CCSER1: variants seen among roughly 807,000 people sequenced by gnomAD.
CCSER1 encodes serine-rich coiled-coil domain-containing protein 1.
In CCSER1, 41 loss-of-function variants were observed where a neutral mutation model predicts 82.0. The observed-to-expected ratio is 0.50, with a 90% confidence interval of 0.39 to 0.65. The LOEUF is 0.65. Ranked by LOEUF, CCSER1 falls within the 30% of genes least tolerant of loss-of-function variation. The pLI is 0.00. For synonymous variants in CCSER1, 414 were observed against 383.9 expected, an observed-to-expected ratio of 1.08 and a Z score of -0.92; for missense variants, 1,119 against 1,064.2, an observed-to-expected ratio of 1.05 and a Z score of -0.72.
chr4:90,426,301 G>C (rs114410170), intron 4 of CCSER1, among the ~76,000 whole-genome samples: 1 of 152,088 alleles, frequency 6.6e-6, no homozygotes, highest in African/African-American at 2.4e-5. Flanking sequence ...TGATTTATTT[G>C]AAGTATTAAT....
intron 10 of CCSER1, among the ~76,000 whole-genome samples, chr4:91,259,944 T>C (rs1044140180): frequency 5.9e-5 from 9 of 152,194 alleles, no homozygotes; most frequent in Non-Finnish European, 1.2e-4. Flanking sequence ...AGAAAGTTTG[T>C]TCAATTTGGG....
chr4:90,615,899 A>G (rs187022853), intron 5 of CCSER1, among the ~76,000 whole-genome samples: 1 of 152,254 alleles, frequency 6.6e-6, no homozygotes, highest in Admixed American at 6.5e-5. Context: ...AAAGGGAGTG[A>G]CTAGATGCAG....
At chr4:90,806,925 C>T (rs188995055) in intron 7 of CCSER1, among the ~76,000 whole-genome samples, 25 of 150,940 alleles carry the variant, frequency 1.7e-4, no homozygotes, top group Non-Finnish European at 2.8e-4. Flanking sequence ...TTTATGTATC[C>T]TTAACTCCAT....
intron 1 of CCSER1, among the ~76,000 whole-genome samples, chr4:90,256,675 C>T (rs1201994053): frequency 6.6e-6 from 1 of 152,074 alleles, no homozygotes; most frequent in Non-Finnish European, 1.5e-5. Flanking sequence ...GCATAGTTCA[C>T]CTTGAGATTG....
chr4:91,447,032 A>G (rs918375933), intron 10 of CCSER1, among the ~76,000 whole-genome samples: 1 of 152,080 alleles, frequency 6.6e-6, no homozygotes, highest in Admixed American at 6.6e-5. Flanking sequence ...TAGCACAGGG[A>G]CATGGGGTGT....
At chr4:91,317,364 A>G (rs902822560) in intron 10 of CCSER1, among the ~76,000 whole-genome samples, 1 of 151,776 alleles carries the variant, frequency 6.6e-6, no homozygotes, top group Non-Finnish European at 1.5e-5. Flanking sequence ...ATTTTCTCAC[A>G]TCTTTGAGAT....
At chr4:91,408,162 AGAT>A (rs1451508519) in intron 10 of CCSER1, among the ~76,000 whole-genome samples, 17 of 152,222 alleles carry the variant, frequency 1.1e-4, no homozygotes, top group Admixed American at 1.0e-3. Context: ...GTTTAAAATC[AGAT>A]GATGACATCA....
intron 10 of CCSER1, among the ~76,000 whole-genome samples, chr4:91,356,692 T>A (rs1355102548): frequency 6.6e-6 from 1 of 152,152 alleles, no homozygotes; most frequent in African/African-American, 2.4e-5. Flanking sequence ...GCTGACTGAT[T>A]GATAAGCTCT....
intron 10 of CCSER1, among the ~76,000 whole-genome samples, chr4:91,548,465 T>G (rs570504303): frequency 6.6e-6 from 1 of 152,182 alleles, no homozygotes; most frequent in African/African-American, 2.4e-5. Flanking sequence ...TTTCTTTACA[T>G]AGACTCAAGT....
intron 10 of CCSER1, among the ~76,000 whole-genome samples, chr4:91,148,599 A>G (rs1729786197): frequency 6.6e-6 from 1 of 152,032 alleles, no homozygotes; most frequent in Non-Finnish European, 1.5e-5. Context: ...CTCATCATTT[A>G]CATTAGGTAT....
chr4:90,878,070 A>C (rs1281492528), intron 8 of CCSER1, among the ~76,000 whole-genome samples: 1 of 152,112 alleles, frequency 6.6e-6, no homozygotes, highest in Non-Finnish European at 1.5e-5. Context: ...CCCTTTTGCT[A>C]TCATCCTAGA....
chr4:91,527,531 T>C (rs922957981), intron 10 of CCSER1, among the ~76,000 whole-genome samples: 16 of 152,074 alleles, frequency 1.1e-4, no homozygotes, highest in Admixed American at 8.5e-4. Context: ...AATGTGGCAA[T>C]AGAAATAGAA....
intron 1 of CCSER1, among the ~76,000 whole-genome samples, chr4:90,282,521 C>A (rs1192603204): frequency 6.6e-6 from 1 of 151,388 alleles, no homozygotes; most frequent in African/African-American, 2.4e-5. Context: ...GAACTTTTAA[C>A]TTGTTGACAC....
At chr4:90,714,073 G>A (rs774635354) in intron 6 of CCSER1, among the ~76,000 whole-genome samples, 168 of 151,828 alleles carry the variant, frequency 1.1e-3, no homozygotes, top group African/African-American at 4.0e-3. Context: ...GAATTCATTC[G>A]CCCCTTTTCA....
At position 90,358,356 on chromosome 4, in the gene CCSER1, C is replaced by A. The variant is rs373211501; in HGVS notation, c.1510-41680C>A. ...ACTCCACTGACTTTTACATCCTCCA[C>A]CACCAACTAGCTCTGTATGACTTTG... is the stretch of plus-strand genomic sequence containing the variant. On this transcript the variant is annotated intron_variant, in intron 3 of 10. Coordinates refer to ENST00000509176, the MANE Select transcript of CCSER1 (RefSeq NM_001145065.2). 1.9e-3 allele frequency among the ~76,000 whole-genome samples: 286 copies of A among 152,216 alleles called. 1 individual carries two copies. Among genetic ancestry groups the A allele is most frequent in the African/African-American group, 6.0e-3 (251 of 41,558 alleles).
At chr4:90,182,824 A>C (rs536014172) in intron 1 of CCSER1, among the ~76,000 whole-genome samples, 5 of 152,166 alleles carry the variant, frequency 3.3e-5, no homozygotes, top group Non-Finnish European at 5.9e-5. Context: ...TTTGTCTCTG[A>C]CACTTGAATG....
chr4:90,261,118 A>T lies in CCSER1; in HGVS notation c.-41-47126A>T, dbSNP rs752811807. On this transcript the variant is annotated intron_variant, in intron 1 of 10. Transcript: ENST00000509176. ...TATTATTGAGATACGAAGTACTGTT[A>T]TATTCATCATATTCATCATATTAGT... 2.0e-5 allele frequency among the ~76,000 whole-genome samples: 3 copies of T among 151,744 alleles called. 1 individual carries two copies. Among genetic ancestry groups the T allele is most frequent in the East Asian group, 3.9e-4 (2 of 5,170 alleles).
chr4:90,238,023 C>T (rs893958655), intron 1 of CCSER1, among the ~76,000 whole-genome samples: 5 of 152,050 alleles, frequency 3.3e-5, no homozygotes, highest in South Asian at 2.1e-4. Context: ...TATGTTTATC[C>T]GAGCCTTCAA....
At chr4:91,034,915 C>G (rs1741301580) in intron 9 of CCSER1, among the ~76,000 whole-genome samples, 1 of 152,000 alleles carries the variant, frequency 6.6e-6, no homozygotes, top group Non-Finnish European at 1.5e-5. Flanking sequence ...CTTTTAATTG[C>G]ATGAAAAAGA....
Sources: allele counts gnomAD v4.1 joint callset (sites outside exome capture counted in the v4.1 genomes callset), GRCh38; gene constraint gnomAD v4.1.1; transcripts MANE v1.5; gene names NCBI Gene and HGNC (gene_info 2026-07-23, HGNC 2026-07-21).